The following SLC24A3 variants were observed in gnomAD, a reference collection of about 807,000 sequenced individuals.
The protein encoded by SLC24A3 is solute carrier family 24 member 3.
Under a neutral mutation model 75.8 loss-of-function variants are expected in SLC24A3, and 28 were observed. The observed-to-expected ratio is 0.37, with a 90% CI of 0.27 to 0.51. The LOEUF is 0.51. Ranked by LOEUF, SLC24A3 falls within the 20% of genes least tolerant of loss-of-function variation. The pLI is 0.94. For missense variants in SLC24A3, 663 were observed against 847.8 expected, an observed-to-expected ratio of 0.78 and a Z score of 2.71; for synonymous variants, 372 against 334.1, an observed-to-expected ratio of 1.11 and a Z score of -1.24.
At chr20:19,644,764 C>T (rs546057714) in intron 6 of SLC24A3, among the ~76,000 whole-genome samples, 1 of 152,292 alleles carries the variant, frequency 6.6e-6, no homozygotes, top group East Asian at 1.9e-4. Flanking sequence ...GGCTGAGAGC[C>T]CATTTCCTCC....
At chr20:19,511,607 G>A (rs750618048) in intron 2 of SLC24A3, among the ~76,000 whole-genome samples, 10 of 152,134 alleles carry the variant, frequency 6.6e-5, no homozygotes, top group African/African-American at 9.7e-5. Flanking sequence ...GATTACAGGC[G>A]TGAGCCACCG....
At chr20:19,688,267 G>T (rs2122746548) in intron 12 of SLC24A3, among the ~76,000 whole-genome samples, 1 of 152,294 alleles carries the variant, frequency 6.6e-6, no homozygotes, top group Middle Eastern at 3.4e-3. Flanking sequence ...GCCACACTTG[G>T]AGCACGGAGA....
intron 6 of SLC24A3, among the ~76,000 whole-genome samples, chr20:19,636,406 A>G (rs1290748452): frequency 6.6e-6 from 1 of 152,208 alleles, no homozygotes; most frequent in Non-Finnish European, 1.5e-5. Context: ...CTTTCCCAAG[A>G]CAGTACCAGA....
intron 2 of SLC24A3, among the ~76,000 whole-genome samples, chr20:19,449,287 C>T (rs1027441053): frequency 2.6e-5 from 4 of 152,322 alleles, no homozygotes; most frequent in Non-Finnish European, 5.9e-5. Context: ...TTGGAGAGAG[C>T]TCCGAGGCAG....
intron 3 of SLC24A3, among the ~76,000 whole-genome samples, chr20:19,569,880 G>T (rs2031024854): frequency 6.6e-6 from 1 of 152,180 alleles, no homozygotes; most frequent in Admixed American, 6.5e-5. Flanking sequence ...TGACTGCACT[G>T]CTGCAAATAA....
At chr20:19,316,960 C>A (rs1381866332) in intron 2 of SLC24A3, among the ~76,000 whole-genome samples, 1 of 152,118 alleles carries the variant, frequency 6.6e-6, no homozygotes, top group Non-Finnish European at 1.5e-5. Context: ...GCCCAACATC[C>A]ATTAGCTATT....
chr20:19,720,890 T>C (rs2033098044), intron 16 of SLC24A3, 101 bp from the exon 17 acceptor site: 1 of 1,384,766 alleles, frequency 7.2e-7, no homozygotes, highest in Non-Finnish European at 9.8e-7. Flanking sequence ...CCGAGGCCCA[T>C]AGTCAGCAGC....
At chr20:19,715,694 A>G (rs2033038200) in intron 15 of SLC24A3, among the ~76,000 whole-genome samples, 2 of 152,168 alleles carry the variant, frequency 1.3e-5, no homozygotes, top group African/African-American at 4.8e-5. Context: ...TCCTTCCCAT[A>G]TGCACACTCC....
intron 6 of SLC24A3, among the ~76,000 whole-genome samples, chr20:19,624,019 C>T (rs535527018): frequency 3.3e-5 from 5 of 152,332 alleles, no homozygotes; most frequent in Non-Finnish European, 7.4e-5. Flanking sequence ...TTATCACAAG[C>T]CAAGGCACAC....
At chr20:19,508,323 T>C (rs1371790541) in intron 2 of SLC24A3, among the ~76,000 whole-genome samples, 2 of 152,184 alleles carry the variant, frequency 1.3e-5, no homozygotes, top group Non-Finnish European at 2.9e-5. Context: ...TATTTTGTCA[T>C]GAGAAGGTCA....
intron 2 of SLC24A3, among the ~76,000 whole-genome samples, chr20:19,345,193 A>G (rs933987806): frequency 1.3e-5 from 2 of 152,230 alleles, no homozygotes; most frequent in African/African-American, 4.8e-5. Flanking sequence ...GGAGAATTAG[A>G]AGAGTATAAT....
chr20:19,350,949 G>A lies in SLC24A3; in HGVS notation c.271+69862G>A, dbSNP rs1318205815. ...GTTTAATTCTCAATATGGACAGATAGGATGCTTACCTTTTCTCTCCTCCTG... is the reference window on the plus strand; with the variant it reads ...GTTTAATTCTCAATATGGACAGATAAGATGCTTACCTTTTCTCTCCTCCTG... On this transcript the variant is annotated intron_variant, in intron 2 of 16. Transcript: ENST00000328041. Among the ~76,000 whole-genome samples, 3 of 152,152 alleles carry A rather than the reference G, an allele frequency of 2.0e-5. No homozygotes were observed. In the East Asian group the frequency reaches 5.8e-4, roughly 29 times the overall value.
intron 2 of SLC24A3, among the ~76,000 whole-genome samples, chr20:19,349,377 G>A (rs759694005): frequency 7.9e-5 from 12 of 152,226 alleles, no homozygotes; most frequent in Admixed American, 3.3e-4. Flanking sequence ...TGCCTAGTTC[G>A]TATCTCTTAG....
chr20:19,319,519 T>A (rs144446318), intron 2 of SLC24A3, among the ~76,000 whole-genome samples: 1 of 152,360 alleles, frequency 6.6e-6, no homozygotes, highest in Non-Finnish European at 1.5e-5. Context: ...AACTGATACT[T>A]CTGCGGGTGT....
intron 2 of SLC24A3, among the ~76,000 whole-genome samples, chr20:19,485,936 G>A (rs767431904): frequency 2.6e-5 from 4 of 152,206 alleles, no homozygotes; most frequent in Non-Finnish European, 5.9e-5. Flanking sequence ...TAGCCCAGGT[G>A]GTCCATTGAG....
chr20:19,659,727 T>A (rs1007384466), intron 7 of SLC24A3, among the ~76,000 whole-genome samples: 2 of 152,174 alleles, frequency 1.3e-5, no homozygotes, highest in Non-Finnish European at 2.9e-5. Context: ...GTGTCTGACA[T>A]GGTGCAGCTC....
intron 3 of SLC24A3, among the ~76,000 whole-genome samples, chr20:19,526,584 A>G (rs564952078): frequency 3.0e-4 from 45 of 152,274 alleles, no homozygotes; most frequent in Admixed American, 2.0e-4. Context: ...CTCTACCAAC[A>G]CCAGATCAGC....
In SLC24A3 at chr20:19,413,021, T is replaced by C. The variant is rs149999861; in HGVS notation, c.272-102467T>C. On this transcript the variant is annotated intron_variant, in intron 2 of 16. Transcript: ENST00000328041. The stretch of plus-strand genomic sequence containing the variant: ...GCTATCATAATGCGTCATCTTGGCA[T>C]GAATGCTCTAATTGGAGATTTCTGA... Among the ~76,000 whole-genome samples, 272 of 152,332 alleles carry C rather than the reference T, an allele frequency of 1.8e-3. 2 individuals are homozygous for C. Among genetic ancestry groups the C allele is most frequent in the African/African-American group, 6.2e-3 (256 of 41,578 alleles).
intron 2 of SLC24A3, among the ~76,000 whole-genome samples, chr20:19,290,602 C>A (rs572964858): frequency 6.6e-6 from 1 of 152,268 alleles, no homozygotes; most frequent in African/African-American, 2.4e-5. Flanking sequence ...TTGGACTTCC[C>A]AGCCTTCAGA....
Sources: gnomAD v4.1 joint callset for allele counts (sites outside exome capture counted in the v4.1 genomes callset) on GRCh38, gnomAD v4.1.1 for gene constraint, MANE v1.5 for transcripts, NCBI Gene and HGNC (gene_info 2026-07-23, HGNC 2026-07-21) for gene names.